ASTE1: variants seen among roughly 807,000 people sequenced by gnomAD.
ASTE1 encodes asteroid structure-specific endonuclease 1.
In ASTE1, 49 loss-of-function variants were observed where a neutral mutation model predicts 45.8. That is an observed-to-expected ratio of 1.07 (90% confidence interval 0.85 to 1.36). The LOEUF is 1.36. Among genes scored for constraint, ASTE1 ranks in the 40% most tolerant of loss-of-function variants. The probability of loss-of-function intolerance (pLI) is 0.00; values close to 1 mark genes in which losing one functional copy is unlikely to be tolerated. For missense variants in ASTE1, 709 were observed against 804.0 expected, an observed-to-expected ratio of 0.88 and a Z score of 1.43; for synonymous variants, 296 against 303.9, an observed-to-expected ratio of 0.97 and a Z score of 0.27.
chr3:131,015,958 ATT>A (rs1222492930), intron 5 of ASTE1, 184 bp downstream of exon 5: 2 of 774,532 alleles, frequency 2.6e-6, no homozygotes, highest in South Asian at 3.0e-5. Flanking sequence ...TATGGAAATA[ATT>A]TAATATTTTT....
intron 3 of ASTE1, 91 bp from the exon 4 acceptor site, chr3:131,018,807 C>G: frequency 1.6e-6 from 2 of 1,238,614 alleles, no homozygotes; most frequent in Non-Finnish European, 2.3e-6. Context: ...TTTAATGCTA[C>G]TGAAACTTCT....
chr3:131,016,359 A>G lies in ASTE1; in HGVS notation c.1514-20T>C. 1 of 1,613,970 alleles carries G rather than the reference A, an allele frequency of 6.2e-7. No individual in the cohort carries two copies. The highest frequency in any genetic ancestry group is 8.5e-7 in the Non-Finnish European group (1 of 1,179,828). ...CCTTACCTAAATAAAGAAACAGCCC[A>G]AGGGCAGTATTTCTAAAAGCACTGT... On this transcript the variant is annotated intron_variant, in intron 4 of 5. Coordinates refer to ENST00000264992, the MANE Select transcript of ASTE1 (RefSeq NM_014065.4).
Position 131,024,884 on chromosome 3 carries a change from T to G in ASTE1, c.423A>C (p.Ala141=), listed in dbSNP as rs371407243. Residue 141 remains alanine (A), a synonymous_variant, in exon 3 of 6, where the codon GCA becomes GCC. Transcript: ENST00000264992. ...TAGCAAGTGTCATAATGTCCCGATC[T>G]GCTTCTGAAAAGCACTGGACAAAAC... ...RVCFVQCFSE[A]DRDIMTLANH... is the part of the protein sequence containing the mutation. The G allele has an allele frequency of 1.9e-6, 3 of 1,614,090 alleles. No individual in the cohort carries two copies. In the African/African-American group the frequency reaches 4.0e-5, roughly 22 times the overall value.
rs1450805384 is a variant in ASTE1, at chr3:131,024,387, T to C, written c.920A>G (p.Gln307Arg). Residue 307 changes from glutamine (Q) to arginine (R), a missense_variant, in exon 3 of 6, where the codon CAG becomes CGG. Physicochemically the swap from Gln to Arg is conservative, Grantham distance 43. Transcript: ENST00000264992. ...ATAAGTACCACACTGGAAGAAGTCC[T>C]GTAGCTTCACCTGGGACTGTTGGTA... ...EEYQQSQVKL[Q>R]DFFQCGTYVC... 6.2e-7 allele frequency: 1 copy of C among 1,614,230 alleles called. No individual in the cohort carries two copies. Among genetic ancestry groups the C allele is most frequent in the South Asian group, 1.1e-5 (1 of 91,086 alleles).
chr3:131,023,923 G>A, intron 3 of ASTE1, 82 bp downstream of exon 3: 1 of 1,369,976 alleles, frequency 7.3e-7, no homozygotes, highest in Admixed American at 2.5e-5. Context: ...GTTTGTTATA[G>A]TAAGTGAACT....
At position 131,025,517 on chromosome 3, in the gene ASTE1, T is replaced by C; in HGVS notation, c.-69A>G. 1.3e-6 allele frequency: 1 copy of C among 769,062 alleles called. No homozygotes were observed. The highest frequency in any genetic ancestry group is 3.0e-5 in the East Asian group (1 of 33,782). The allele number at this position is 769,062 out of a possible 1,614,324, so 47.6% of individuals were successfully genotyped here. ...TTAGCTGTGCTTTTTCATTCTCCTT[T>C]GCTTTCTGATACAAGGCACAAATTC... On this transcript the variant is annotated 5_prime_UTR_variant, in exon 2 of 6. Transcript: ENST00000264992.
At position 131,018,666 on chromosome 3, in the gene ASTE1, T is replaced by A. The variant is rs766958752; in HGVS notation, c.1353A>T (p.Lys451Asn). 3 of 1,613,918 alleles carry A rather than the reference T, an allele frequency of 1.9e-6. No individual in the cohort carries two copies. The highest frequency in any genetic ancestry group is 2.5e-6 in the Non-Finnish European group (3 of 1,180,008). ...QMLLLETLKV[K>N]QTILEPIPTS... The stretch of plus-strand genomic sequence containing the variant: ...TAGGGATTGGCTCCAGAATGGTCTG[T>A]TTCACCTTCAGGGTTTCTAACAGAA... Residue 451 changes from lysine to asparagine, a missense_variant, in exon 4 of 6, where the codon AAA (lysine) becomes AAT (asparagine). By Grantham distance (94) the Lys-to-Asn change is moderately conservative. Transcript: ENST00000264992.
rs986472222 is a variant in ASTE1, at chr3:131,024,652, CAA to C, written c.653_654del (p.Phe218CysfsTer7). The C allele has an allele frequency of 1.9e-6, 3 of 1,594,892 alleles. No homozygotes were observed. In the African/African-American group the frequency reaches 4.0e-5, roughly 21 times the overall value. ...SNMNKALLPL[F>X]AVLCGNDHVN... is the part of the protein sequence containing the mutation. ...ACATGGTCATTTCCACATAGCACCG[CAA>C]AGAGAGGTAGTAGAGCTTTATTCAT... On this transcript the variant is annotated frameshift_variant, in exon 3 of 6. Coordinates refer to ENST00000264992, the MANE Select transcript of ASTE1 (RefSeq NM_014065.4). LOFTEE classifies it high-confidence loss of function.
At chr3:131,018,996 G>A (rs937792250) in intron 3 of ASTE1, among the ~76,000 whole-genome samples, 4 of 152,106 alleles carry the variant, frequency 2.6e-5, no homozygotes, top group African/African-American at 4.8e-5. Flanking sequence ...TTCAGTGCAC[G>A]TCACCTGGGA....
Position 131,016,157 on chromosome 3 carries a change from GCT to G in ASTE1, c.1694_1695del (p.Glu565AlafsTer34). The G allele has an allele frequency of 6.2e-7, 1 of 1,613,918 alleles. No individual in the cohort carries two copies. Among genetic ancestry groups the G allele is most frequent in the East Asian group, 2.2e-5 (1 of 44,866 alleles). ...CATGGTGCTTACCGAGTTAGGTCTG[GCT>G]CTGGGAGAGGAGTGGACAGCAGCTG... ...LNQLLSTPLP[E>X]PDLTRLYSGS... is the part of the protein sequence containing the mutation. On this transcript the variant is annotated frameshift_variant, in exon 5 of 6. Transcript: ENST00000264992. LOFTEE classifies it low-confidence loss of function (END_TRUNC).
At chr3:131,015,189 C>A (rs1184223086) in intron 5 of ASTE1, 2 of 701,776 alleles carry the variant, frequency 2.8e-6, no homozygotes, top group Non-Finnish European at 5.2e-6. Context: ...TACCTTGAAA[C>A]ATGTAAAGTC....
chr3:131,015,633 C>G (rs1040531557), intron 5 of ASTE1, among the ~76,000 whole-genome samples: 2 of 152,144 alleles, frequency 1.3e-5, no homozygotes, highest in Admixed American at 1.3e-4. Flanking sequence ...AGCTGAGATT[C>G]TGTTTTTGTC....
At chr3:131,021,772 C>A (rs924448209) in intron 3 of ASTE1, among the ~76,000 whole-genome samples, 2 of 152,152 alleles carry the variant, frequency 1.3e-5, no homozygotes, top group Non-Finnish European at 2.9e-5. Flanking sequence ...CAGATGTAGA[C>A]ATCTCAAAAC....
chr3:131,023,663 CTTT>C (rs930357583), intron 3 of ASTE1, among the ~76,000 whole-genome samples: 1 of 150,534 alleles, frequency 6.6e-6, no homozygotes, highest in Non-Finnish European at 1.5e-5. Flanking sequence ...AATTTTTTTC[CTTT>C]TTTTTTCAGC....
In ASTE1 at chr3:131,014,304, G is replaced by C; in HGVS notation, c.1793C>G (p.Pro598Arg). 6.2e-7 allele frequency: 1 copy of C among 1,613,998 alleles called. No individual in the cohort carries two copies. Among genetic ancestry groups the C allele is most frequent in the Non-Finnish European group, 8.5e-7 (1 of 1,179,986 alleles). The change falls in exon 6 of 6, where the codon CCT becomes CGT. Residue 598 changes from proline (P) to arginine (R), a missense_variant. Physicochemically the swap from Pro to Arg is moderately radical, Grantham distance 103. Transcript: ENST00000264992. ...TSVESLLSICPEAKQLYEYLF... is the reference protein window; with the variant it reads ...TSVESLLSICREAKQLYEYLF... ...ATATTCATAAAGTTGCTTAGCCTCA[G>C]GACATATGCTCAGGAGACTTTCTAC...
chr3:131,017,291 C>G (rs2063663829), intron 4 of ASTE1, among the ~76,000 whole-genome samples: 1 of 152,210 alleles, frequency 6.6e-6, no homozygotes, highest in South Asian at 2.1e-4. Context: ...ACTTTAGAAA[C>G]AGGAATCCAT....
intron 3 of ASTE1, among the ~76,000 whole-genome samples, chr3:131,020,504 T>G (rs1259694457): frequency 6.6e-6 from 1 of 152,192 alleles, no homozygotes; most frequent in Non-Finnish European, 1.5e-5. Context: ...TGGTGCTCTG[T>G]CCATTGCAAC....
At chr3:131,021,579 C>T (rs921144603) in intron 3 of ASTE1, among the ~76,000 whole-genome samples, 4 of 152,080 alleles carry the variant, frequency 2.6e-5, no homozygotes, top group South Asian at 2.1e-4. Context: ...TCTAGGGTGG[C>T]GATAATGATT....
chr3:131,023,092 T>G (rs763837451), intron 3 of ASTE1, among the ~76,000 whole-genome samples: 2 of 152,128 alleles, frequency 1.3e-5, no homozygotes, highest in Non-Finnish European at 2.9e-5. Context: ...AAAGCTTTGG[T>G]GTAGACTGAT....
Sources: allele counts gnomAD v4.1 joint callset (sites outside exome capture counted in the v4.1 genomes callset), GRCh38; gene constraint gnomAD v4.1.1; transcripts MANE v1.5; gene names NCBI Gene and HGNC (gene_info 2026-07-23, HGNC 2026-07-21).